DMD: variants seen among roughly 807,000 people sequenced by gnomAD.
The protein encoded by DMD is dystrophin, also known as mutant dystrophin.
Under a neutral mutation model 330.1 loss-of-function variants are expected in DMD, and 63 were observed. The observed-to-expected ratio is 0.19, with a 90% CI of 0.16 to 0.24. The LOEUF is 0.24. Ranked by LOEUF, DMD falls within the 10% of genes least tolerant of loss-of-function variation. The pLI, the probability that DMD is intolerant of heterozygous loss-of-function variation, is 1.00. For synonymous variants in DMD, 1,223 were observed against 959.8 expected (o/e 1.27, Z -5.07); for missense variants, 3,344 against 2,684.1 (o/e 1.25, Z -5.43).
At chrX:32,726,185 A>T (rs1393524294) in intron 7 of DMD, among the ~76,000 whole-genome samples, 1 of 111,513 alleles carries the variant, frequency 9.0e-6, no homozygotes, top group Non-Finnish European at 1.9e-5. Flanking sequence ...CTGCGGGGTT[A>T]GCAAATCAAC....
chrX:31,153,776 T>C (rs985721400), intron 74 of DMD, among the ~76,000 whole-genome samples: 3 of 112,154 alleles, frequency 2.7e-5, no homozygotes, highest in Non-Finnish European at 5.6e-5. Flanking sequence ...AGAAACCTCT[T>C]ATTAAGCTCA....
intron 55 of DMD, among the ~76,000 whole-genome samples, chrX:31,612,787 G>GCTTA (rs2077996804): frequency 8.9e-6 from 1 of 112,370 alleles, no homozygotes; most frequent in Middle Eastern, 4.2e-3. Flanking sequence ...TGCTATTCGA[G>GCTTA]AGGTATTTAT....
chrX:32,462,492 G>A lies in DMD; in HGVS notation c.3432+947C>T, dbSNP rs781300608. ...GAAGTATTTGATATACACTATTTTT[G>A]AATATATCTTACTATCCGTAATTGA... On this transcript the variant is annotated intron_variant, in intron 25 of 78. Coordinates refer to ENST00000357033, the MANE Select transcript of DMD (RefSeq NM_004006.3). Among the ~76,000 whole-genome samples the A allele has an allele frequency of 4.5e-5, 5 of 110,865 alleles. No individual in the cohort carries two copies. The East Asian group carries it at 1.4e-3, about 31-fold the overall frequency.
At chrX:33,181,794 A>G in intron 1 of DMD, among the ~76,000 whole-genome samples, 1 of 111,972 alleles carries the variant, frequency 8.9e-6, no homozygotes. Context: ...TTTGAAAAAT[A>G]CTATGTGAAA....
chrX:32,906,056 G>A (rs111793561), intron 2 of DMD, among the ~76,000 whole-genome samples: 10 of 112,397 alleles, frequency 8.9e-5, no homozygotes, highest in African/African-American at 2.9e-4. Flanking sequence ...GCACATTCCA[G>A]TCAGATAGTG....
intron 60 of DMD, among the ~76,000 whole-genome samples, chrX:31,377,065 T>A (rs768805065): frequency 1.7e-3 from 188 of 112,195 alleles, no homozygotes; most frequent in African/African-American, 5.8e-3. Context: ...AAAGATTTTA[T>A]AAGTAAAAAA....
intron 50 of DMD, among the ~76,000 whole-genome samples, chrX:31,791,842 A>G (rs2091586871): frequency 9.0e-6 from 1 of 111,667 alleles, no homozygotes; most frequent in East Asian, 2.8e-4. Flanking sequence ...AGTCTTACAT[A>G]TTTATTTATA....
chrX:32,787,742 G>A (rs1302534053), intron 7 of DMD, among the ~76,000 whole-genome samples: 1 of 92,366 alleles, frequency 1.1e-5, no homozygotes, highest in Non-Finnish European at 2.0e-5. Context: ...ATCAATTTAA[G>A]GACCACGGTT....
At chrX:32,742,572 C>T (rs2069429976) in intron 7 of DMD, among the ~76,000 whole-genome samples, 1 of 111,926 alleles carries the variant, frequency 8.9e-6, no homozygotes, top group Non-Finnish European at 1.9e-5. Context: ...GATACACAGA[C>T]ACCCAAGCTA....
chrX:31,796,322 T>C (rs1040169569), intron 50 of DMD, among the ~76,000 whole-genome samples: 1 of 112,360 alleles, frequency 8.9e-6, no homozygotes, highest in African/African-American at 3.2e-5. Context: ...ATCGAAAGGA[T>C]TGGTAATTTA....
chrX:32,000,325 C>T (rs1414985406), intron 44 of DMD, among the ~76,000 whole-genome samples: 1 of 112,081 alleles, frequency 8.9e-6, no homozygotes, highest in Non-Finnish European at 1.9e-5. Context: ...ATGACTTCTA[C>T]TTAATCGTTG....
At chrX:32,828,626 T>C (rs1291555423) in intron 4 of DMD, among the ~76,000 whole-genome samples, 2 of 108,303 alleles carry the variant, frequency 1.8e-5, no homozygotes, top group Non-Finnish European at 3.8e-5. Flanking sequence ...TCTATACACA[T>C]ATATACATAT....
chrX:31,402,573 G>C (rs1245957812), intron 60 of DMD, among the ~76,000 whole-genome samples: 1 of 111,646 alleles, frequency 9.0e-6, no homozygotes, highest in Non-Finnish European at 1.9e-5. Context: ...TGTTCCAGTT[G>C]GTGAAAAGCA....
At chrX:32,350,853 T>C (rs1006431382) in intron 37 of DMD, among the ~76,000 whole-genome samples, 2 of 110,958 alleles carry the variant, frequency 1.8e-5, no homozygotes, top group African/African-American at 6.5e-5. Context: ...ATAGACCTTT[T>C]TTTGCAGGCC....
chrX:32,874,087 C>T (rs2083201026), intron 2 of DMD, among the ~76,000 whole-genome samples: 1 of 111,772 alleles, frequency 8.9e-6, no homozygotes, highest in Non-Finnish European at 1.9e-5. Context: ...AGTTGCAAGG[C>T]CTTAAGTCTA....
intron 47 of DMD, among the ~76,000 whole-genome samples, chrX:31,886,114 T>A (rs1369268369): frequency 9.0e-6 from 1 of 111,242 alleles, no homozygotes; most frequent in Non-Finnish European, 1.9e-5. Context: ...TATTTTAGCA[T>A]TATTTTCAAA....
At chrX:31,622,877 T>TATATATATACAC (rs1361969125) in intron 55 of DMD, among the ~76,000 whole-genome samples, 39 of 70,307 alleles carry the variant, frequency 5.5e-4, no homozygotes, top group African/African-American at 1.1e-3. Flanking sequence ...TATATATATA[T>TATATATATACAC]ACACACACAC....
intron 60 of DMD, among the ~76,000 whole-genome samples, chrX:31,385,730 C>T: frequency 8.9e-6 from 1 of 112,230 alleles, no homozygotes; most frequent in Admixed American, 9.4e-5. Flanking sequence ...CAGGAAACAA[C>T]AGATGCCAGA....
chrX:32,538,738 T>C (rs1399322727), intron 17 of DMD, among the ~76,000 whole-genome samples: 1 of 111,723 alleles, frequency 9.0e-6, no homozygotes, highest in African/African-American at 3.3e-5. Flanking sequence ...ATTAAAATTC[T>C]TGGGCACCAC....
Sources: allele counts gnomAD v4.1 joint callset (sites outside exome capture counted in the v4.1 genomes callset), GRCh38; gene constraint gnomAD v4.1.1; transcripts MANE v1.5; gene names NCBI Gene and HGNC (gene_info 2026-07-23, HGNC 2026-07-21).